The following B3GALNT1 variants were observed in gnomAD, a reference collection of about 807,000 sequenced individuals.
The protein encoded by B3GALNT1 is beta-1,3-N-acetylgalactosaminyltransferase 1 (Globoside blood group), also known as UDP-GalNAc:beta-1,3-N-acetylgalactosaminyltransferase 1.
In B3GALNT1, 17 loss-of-function variants were observed where a neutral mutation model predicts 27.3. That is an observed-to-expected ratio of 0.62 (90% CI 0.43 to 0.94). The LOEUF is 0.94. Ranked by LOEUF, B3GALNT1 falls within the 40% of genes least tolerant of loss-of-function variation. The pLI, the probability that B3GALNT1 is intolerant of heterozygous loss-of-function variation, is 0.00. For missense variants in B3GALNT1, 347 were observed against 390.0 expected (o/e 0.89, Z 0.93); for synonymous variants, 141 against 144.0 (o/e 0.98, Z 0.15).
chr3:161,097,406 T>C (rs1728787643), intron 4 of B3GALNT1, among the ~76,000 whole-genome samples: 1 of 152,180 alleles, frequency 6.6e-6, no homozygotes, highest in Admixed American at 6.5e-5. Flanking sequence ...AACTCCCAAA[T>C]GTGTCTTACA....
intron 4 of B3GALNT1, among the ~76,000 whole-genome samples, chr3:161,100,772 A>G (rs1333657189): frequency 1.3e-5 from 2 of 152,128 alleles, no homozygotes; most frequent in African/African-American, 2.4e-5. Flanking sequence ...GCATATTCCA[A>G]TAAGAACATA....
At chr3:161,102,020 G>A (rs191844221) in intron 3 of B3GALNT1, among the ~76,000 whole-genome samples, 1 of 152,302 alleles carries the variant, frequency 6.6e-6, no homozygotes, top group East Asian at 1.9e-4. Flanking sequence ...CACAGCTTGA[G>A]TTTAGCAGAA....
intron 4 of B3GALNT1, among the ~76,000 whole-genome samples, chr3:161,091,333 T>C (rs1724987298): frequency 6.6e-6 from 1 of 152,150 alleles, no homozygotes. Context: ...TGTCTAGAAA[T>C]TACCCCTGCA....
chr3:161,089,186 T>C (rs978196803), intron 4 of B3GALNT1, among the ~76,000 whole-genome samples: 5 of 152,218 alleles, frequency 3.3e-5, no homozygotes, highest in Admixed American at 1.3e-4. Flanking sequence ...ATTGAAGATA[T>C]TAATATAGTG....
chr3:161,105,169 T>C (rs35375227), intron 1 of B3GALNT1, 66 bp downstream of exon 1: 4,365 of 152,460 alleles, frequency 0.029, 214 homozygotes, highest in African/African-American at 0.1. Context: ...CCGGTGGCTA[T>C]ACCCTCCACC....
chr3:161,104,486 G>A (rs1443759805), intron 1 of B3GALNT1, 80 bp from the exon 2 acceptor site: 14 of 572,568 alleles, frequency 2.4e-5, no homozygotes, highest in South Asian at 3.7e-5. Context: ...AAGGCGAACG[G>A]ATACTGAATT....
chr3:161,092,768 T>TC (rs1409380639), intron 4 of B3GALNT1, among the ~76,000 whole-genome samples: 4 of 141,470 alleles, frequency 2.8e-5, no homozygotes, highest in African/African-American at 7.9e-5. Flanking sequence ...TTTTTCTTTT[T>TC]TTTTTTTTTT....
chr3:161,093,537 T>A (rs1279812950), intron 4 of B3GALNT1, among the ~76,000 whole-genome samples: 1 of 152,078 alleles, frequency 6.6e-6, no homozygotes, highest in Non-Finnish European at 1.5e-5. Flanking sequence ...CTAAATCCCA[T>A]GTCCCAGGGG....
chr3:161,093,832 T>C (rs1374842785), intron 4 of B3GALNT1, among the ~76,000 whole-genome samples: 1 of 145,908 alleles, frequency 6.9e-6, no homozygotes, highest in Non-Finnish European at 1.5e-5. Context: ...ACCCCATAGA[T>C]AAAAAAAAAA....
intron 4 of B3GALNT1, among the ~76,000 whole-genome samples, chr3:161,087,221 T>A (rs549619126): frequency 6.6e-6 from 1 of 152,324 alleles, no homozygotes; most frequent in African/African-American, 2.4e-5. Context: ...GGGATGTTAC[T>A]AGCCACATGC....
chr3:161,085,828 A>G lies in B3GALNT1; in HGVS notation c.927T>C (p.His309=), dbSNP rs1274973486. The G allele has an allele frequency of 6.2e-7, 1 of 1,614,086 alleles. No individual in the cohort carries two copies. Among genetic ancestry groups the G allele is most frequent in the African/African-American group, 1.3e-5 (1 of 74,954 alleles). The change falls in exon 5 of 5, where the codon CAT becomes CAC. Residue 309 remains histidine, a synonymous_variant. Transcript: ENST00000320474. The part of the protein sequence containing the change: ...VCQLRRVIAA[H]GFSSKEIITF... ...TGATGATCTCCTTGGAAGAAAAGCC[A>G]TGGGCTGCAATCACACGTCTCAGTT...
intron 4 of B3GALNT1, among the ~76,000 whole-genome samples, chr3:161,088,595 G>C (rs1723306769): frequency 6.6e-6 from 1 of 152,190 alleles, no homozygotes; most frequent in Non-Finnish European, 1.5e-5. Flanking sequence ...TTGAGAGCAA[G>C]AATTATGAAA....
At chr3:161,093,074 G>A (rs1270961151) in intron 4 of B3GALNT1, among the ~76,000 whole-genome samples, 1 of 151,978 alleles carries the variant, frequency 6.6e-6, no homozygotes, top group Non-Finnish European at 1.5e-5. Context: ...TCATTTTTCA[G>A]CTATAAATCA....
chr3:161,086,872 A>C, intron 4 of B3GALNT1, 84 bp from the exon 5 acceptor site: 2 of 1,388,004 alleles, frequency 1.4e-6, no homozygotes, highest in Non-Finnish European at 2.0e-6. Context: ...CTCAAGGAGA[A>C]AGAGTAGGAG....
chr3:161,088,891 C>T (rs554102421), intron 4 of B3GALNT1, among the ~76,000 whole-genome samples: 17 of 152,178 alleles, frequency 1.1e-4, no homozygotes, highest in Non-Finnish European at 2.4e-4. Flanking sequence ...ATTTTTTGCA[C>T]ATTCTATAAG....
At chr3:161,104,893 A>C in intron 1 of B3GALNT1, 1 of 152,682 alleles carries the variant, frequency 6.5e-6, no homozygotes, top group Non-Finnish European at 1.5e-5. Context: ...CAGGTATTGC[A>C]CCCTGGGGCA....
At chr3:161,101,802 A>AACTGG (rs1376726931) in intron 3 of B3GALNT1, among the ~76,000 whole-genome samples, 1 of 152,206 alleles carries the variant, frequency 6.6e-6, no homozygotes, top group Non-Finnish European at 1.5e-5. Flanking sequence ...TAAGAGATAA[A>AACTGG]ACTGGACGGT....
chr3:161,096,056 A>C (rs1727980595), intron 4 of B3GALNT1, among the ~76,000 whole-genome samples: 1 of 152,232 alleles, frequency 6.6e-6, no homozygotes, highest in African/African-American at 2.4e-5. Context: ...AAAGAATATA[A>C]GATTGGAGAG....
At chr3:161,102,083 T>C (rs1010977952) in intron 3 of B3GALNT1, among the ~76,000 whole-genome samples, 3 of 152,196 alleles carry the variant, frequency 2.0e-5, no homozygotes, top group Admixed American at 2.0e-4. Flanking sequence ...AAAAGGCAGA[T>C]AGTAAATATC....
Sources: gnomAD v4.1 joint callset for allele counts (sites outside exome capture counted in the v4.1 genomes callset) on GRCh38, gnomAD v4.1.1 for gene constraint, MANE v1.5 for transcripts, NCBI Gene and HGNC (gene_info 2026-07-23, HGNC 2026-07-21) for gene names.